GSE1: variants seen among roughly 807,000 people sequenced by gnomAD.
GSE1 encodes the protein genetic suppressor element 1.
In GSE1, 32 loss-of-function variants were observed where a neutral mutation model predicts 112.6. The ratio of observed to expected loss-of-function variants is 0.28; its 90% CI spans 0.21 to 0.38. The LOEUF (loss-of-function observed/expected upper bound fraction) is 0.38, where lower values mean the gene tolerates loss of function less well. Ranked by LOEUF, GSE1 falls within the 10% of genes least tolerant of loss-of-function variation. The pLI, the probability that GSE1 is intolerant of heterozygous loss-of-function variation, is 1.00. For synonymous variants in GSE1, 1,115 were observed against 735.6 expected (o/e 1.52, Z -8.35); for missense variants, 2,348 against 1,699.2 (o/e 1.38, Z -6.71).
intron 1 of GSE1, among the ~76,000 whole-genome samples, chr16:85,631,070 G>C (rs1292427319): frequency 6.6e-6 from 1 of 152,194 alleles, no homozygotes; most frequent in Non-Finnish European, 1.5e-5. Context: ...AGCTCTCCTA[G>C]CGTCACCCTC....
chr16:85,453,403 G>A (rs148476881), intron 2 of GSE1, among the ~76,000 whole-genome samples: 5 of 152,206 alleles, frequency 3.3e-5, no homozygotes, highest in Non-Finnish European at 7.3e-5. Flanking sequence ...GACAGTGCAT[G>A]CCGGGGTGGC....
chr16:85,625,236 C>T (rs905525777), intron 1 of GSE1, among the ~76,000 whole-genome samples: 1 of 152,204 alleles, frequency 6.6e-6, no homozygotes, highest in South Asian at 2.1e-4. Context: ...TGCTTCTCCG[C>T]ACACACAGCA....
At chr16:85,547,712 C>G (rs1194961386) in intron 2 of GSE1, among the ~76,000 whole-genome samples, 1 of 151,410 alleles carries the variant, frequency 6.6e-6, no homozygotes, top group African/African-American at 2.4e-5. Context: ...GAAACCCTGT[C>G]TCTACTAAAA....
At chr16:85,357,512 G>C in exon 2 of GSE1, 1 of 1,261,586 alleles carries the variant, frequency 7.9e-7, no homozygotes, top group Non-Finnish European at 1.0e-6. Context: ...CCTCCCACCC[G>C]GGAGTCCGAG....
chr16:85,317,130 G>A (rs937063252), intron 1 of GSE1, among the ~76,000 whole-genome samples: 3 of 152,204 alleles, frequency 2.0e-5, no homozygotes, highest in Admixed American at 6.5e-5. Flanking sequence ...TGTGTGCTGG[G>A]CAGGCACCAT....
intron 1 of GSE1, among the ~76,000 whole-genome samples, chr16:85,306,686 C>G (rs966460643): frequency 2.6e-5 from 4 of 152,132 alleles, no homozygotes; most frequent in African/African-American, 9.7e-5. Context: ...GTAGCTGGGA[C>G]TATAGGCATG....
At chr16:85,551,116 C>T (rs1345558206), upstream of GSE1, among the ~76,000 whole-genome samples, 3 of 152,238 alleles carry the variant, frequency 2.0e-5, no homozygotes, top group East Asian at 1.9e-4. Context: ...TCTGGGTGGT[C>T]CAGCCTGCCC....
chr16:85,317,298 C>G (rs996269842), intron 1 of GSE1, among the ~76,000 whole-genome samples: 5 of 152,292 alleles, frequency 3.3e-5, no homozygotes, highest in Admixed American at 2.6e-4. Context: ...ATGCATCCCT[C>G]TGGCTGGTTC....
intron 8 of GSE1, among the ~76,000 whole-genome samples, chr16:85,658,413 G>A (rs1313929833): frequency 6.6e-6 from 1 of 152,230 alleles, no homozygotes; most frequent in Non-Finnish European, 1.5e-5. Context: ...CACAAAGGAG[G>A]GTGGGTAGGA....
At position 85,170,891 on chromosome 16, in the gene GSE1, C is replaced by T. The variant is rs529277905; in HGVS notation, c.1367C>T (p.Ala456Val). ...TATGTGGTGCCCCTGGACAGCCACG[C>T]CCCCGGCATGGCCTCTAAGGGCAGG... Residue 456 changes from alanine to valine, a missense_variant, in exon 1 of 3, where the codon GCC becomes GTC. Physicochemically the swap from Ala to Val is moderately conservative, Grantham distance 64 (BLOSUM62 0). Transcript: ENST00000637419. The T allele has an allele frequency of 8.1e-6, 8 of 985,554 alleles. No homozygotes were observed. In the African/African-American group the frequency reaches 1.0e-4, roughly 13 times the overall value. 61.1% of individuals were successfully genotyped at this position (985,554 alleles called of 1,614,324 possible).
Position 85,663,017 on chromosome 16 carries a change from G to C in GSE1, c.2297G>C (p.Ser766Thr). 1 of 1,613,138 alleles carries C rather than the reference G, an allele frequency of 6.2e-7. No individual in the cohort carries two copies. The highest frequency in any genetic ancestry group is 8.5e-7 in the Non-Finnish European group (1 of 1,179,588). The change falls in exon 10 of 16, where the codon AGC becomes ACC. Residue 766 changes from serine (S) to threonine (T), a missense_variant. By Grantham distance (58) the Ser-to-Thr change is moderately conservative. Coordinates refer to ENST00000253458, the MANE Select transcript of GSE1 (RefSeq NM_014615.5). ...YYDLDDSYDESDEEEVRAHLR... is the reference protein window; with the variant it reads ...YYDLDDSYDETDEEEVRAHLR... ...GACCTCGATGACTCTTACGACGAGA[G>C]CGATGAGGAGGAGGTCAGGGCCCAC...
chr16:85,176,849 G>C (rs1032129652), intron 1 of GSE1, among the ~76,000 whole-genome samples: 2 of 152,240 alleles, frequency 1.3e-5, no homozygotes, highest in African/African-American at 2.4e-5. Flanking sequence ...TGTTTCCCAT[G>C]CTTCCTGACT....
In GSE1 at chr16:85,660,502, G is replaced by A. The variant is rs1215457945; in HGVS notation, c.1641-644G>A. The stretch of plus-strand genomic sequence containing the variant: ...ATAGGAAAAATTAGTAGCTGGGCAT[G>A]GTGGCACACGCCTGTAATCCCAGCT... On this transcript the variant is annotated intron_variant, in intron 8 of 15. Transcript: ENST00000253458. Among the ~76,000 whole-genome samples the A allele has an allele frequency of 7.9e-5, 12 of 152,222 alleles. No individual in the cohort carries two copies. In the East Asian group the frequency reaches 2.0e-3, roughly 25 times the overall value.
At chr16:85,635,918 C>T (rs1259262556) in intron 2 of GSE1, among the ~76,000 whole-genome samples, 8 of 150,980 alleles carry the variant, frequency 5.3e-5, no homozygotes, top group African/African-American at 9.7e-5. Flanking sequence ...CAGCAGCGGC[C>T]GTGGGCGTCA....
intron 1 of GSE1, among the ~76,000 whole-genome samples, chr16:85,176,809 G>A (rs548257110): frequency 5.9e-5 from 9 of 152,214 alleles, no homozygotes; most frequent in African/African-American, 1.7e-4. Flanking sequence ...AGCGTCTGTC[G>A]TCACCCACCC....
chr16:85,251,226 C>T (rs1426632361), intron 1 of GSE1, among the ~76,000 whole-genome samples: 2 of 152,374 alleles, frequency 1.3e-5, no homozygotes, highest in East Asian at 1.9e-4. Flanking sequence ...GCAGCTTCTT[C>T]CAGCTCTCAG....
rs542598155 is a variant in GSE1 at position 85,535,286 on chromosome 16, C to T, written c.2465-98628C>T. Reference sequence around the variant, plus strand: ...GAGCCACAGTCATACAACAAGGCATCCTTACGGAGCCCTCGGGGAACGAGG... The same window carrying T: ...GAGCCACAGTCATACAACAAGGCATTCTTACGGAGCCCTCGGGGAACGAGG... On this transcript the variant is annotated intron_variant, in intron 2 of 2. Coordinates refer to the GSE1 transcript ENST00000637419. Among the ~76,000 whole-genome samples the T allele has an allele frequency of 2.9e-4, 44 of 152,346 alleles. No individual in the cohort carries two copies. In the South Asian group the frequency reaches 3.7e-3, roughly 13 times the overall value.
At chr16:85,379,574 T>C (rs1181044433) in intron 2 of GSE1, among the ~76,000 whole-genome samples, 2 of 152,208 alleles carry the variant, frequency 1.3e-5, no homozygotes, top group Non-Finnish European at 2.9e-5. Flanking sequence ...TGGGTTCTCA[T>C]GGACCATCCA....
chr16:85,584,822 G>T (rs1305877640), intron 1 of GSE1, among the ~76,000 whole-genome samples: 2 of 152,148 alleles, frequency 1.3e-5, no homozygotes, highest in African/African-American at 2.4e-5. Context: ...AGCAGGGTGT[G>T]GGGGTGGCTC....
Sources: allele counts gnomAD v4.1 joint callset (sites outside exome capture counted in the v4.1 genomes callset), GRCh38; gene constraint gnomAD v4.1.1; transcripts MANE v1.5; gene names NCBI Gene and HGNC (gene_info 2026-07-23, HGNC 2026-07-21).